CFAP46: variants seen among roughly 807,000 people sequenced by gnomAD.
The protein encoded by CFAP46 is cilia and flagella associated protein 46, also known as cilia- and flagella-associated protein 46.
Under a neutral mutation model 325.7 loss-of-function variants are expected in CFAP46, and 245 were observed. The ratio of observed to expected loss-of-function variants is 0.75; its 90% CI spans 0.68 to 0.84. CFAP46 has a LOEUF of 0.84. CFAP46 is among the 40% of genes least tolerant of loss of function. The pLI is 0.00. For synonymous variants in CFAP46, 1,523 were observed against 1,495.9 expected (o/e 1.02, Z -0.42); for missense variants, 3,346 against 3,543.0 (o/e 0.94, Z 1.41).
intron 39 of CFAP46, among the ~76,000 whole-genome samples, chr10:132,854,428 C>G (rs562414523): frequency 1.3e-4 from 20 of 152,214 alleles, no homozygotes; most frequent in South Asian, 2.1e-4. Flanking sequence ...GCTCTTCCCC[C>G]CCAGGTTCAC....
Position 132,899,685 on chromosome 10 carries a change from TGAG to T in CFAP46, c.2925-22_2925-20del. On this transcript the variant is annotated intron_variant, in intron 22 of 57. Coordinates refer to ENST00000368586, the MANE Select transcript of CFAP46 (RefSeq NM_001200049.3). Reference sequence around the variant, plus strand: ...CTCCTCGCTGCAGGAACAGGGCCAGTGAGGAGGGAGGCCACTGTGGCCCACCTT... The same window carrying T: ...CTCCTCGCTGCAGGAACAGGGCCAGTGAGGGAGGCCACTGTGGCCCACCTT... The T allele has an allele frequency of 6.5e-7, 1 of 1,541,928 alleles. No homozygotes were observed. The highest frequency in any genetic ancestry group is 8.8e-7 in the Non-Finnish European group (1 of 1,141,946).
At chr10:132,912,500 TCTCTCTCCTCTC>T (rs1849562609) in intron 19 of CFAP46, among the ~76,000 whole-genome samples, 143 bp downstream of exon 19, 4 of 73,380 alleles carry the variant, frequency 5.5e-5, no homozygotes, top group African/African-American at 1.0e-4. Context: ...CTCTTTCACC[TCTCTCTCCTCTC>T]CTCTCTCTCT....
intron 44 of CFAP46, among the ~76,000 whole-genome samples, chr10:132,841,030 C>T (rs1362280606): frequency 6.6e-6 from 1 of 152,168 alleles, no homozygotes; most frequent in Non-Finnish European, 1.5e-5. Flanking sequence ...GAATCTAAAA[C>T]CATTAATTAG....
rs376728330 is a variant in CFAP46, at chr10:132,832,483, C to T, written c.7117+875G>A. On this transcript the variant is annotated intron_variant, in intron 50 of 57. Coordinates refer to ENST00000368586, the MANE Select transcript of CFAP46 (RefSeq NM_001200049.3). This position sits in a 1 kb window ranked among gnomAD's most constrained non-coding sequence, Gnocchi z 4.1. ...CCAGCCAAACCCCCTTCGAGGCCCC[C>T]CGTCCTGCGCGGACTGCTCGTCAAT... The T allele has an allele frequency of 1.8e-5, 4 of 226,392 alleles. No homozygotes were observed. Among genetic ancestry groups the T allele is most frequent in the Admixed American group, 1.7e-4 (3 of 18,014 alleles). 14.0% of individuals were successfully genotyped at this position (226,392 alleles called of 1,614,324 possible).
Position 132,847,508 on chromosome 10 carries a change from C to T in CFAP46, c.5953-187G>A, listed in dbSNP as rs1848459857. On this transcript the variant is annotated intron_variant, in intron 41 of 57. Coordinates refer to ENST00000368586, the MANE Select transcript of CFAP46 (RefSeq NM_001200049.3). The surrounding 1 kb of genome is among the most constrained non-coding windows in gnomAD (Gnocchi z 5.2). ...CATCCCTGAGTTGATGCAGGGTGGC[C>T]CTGACCCGTGAGCCTGGGCAAGGGG... Among the ~76,000 whole-genome samples the T allele has an allele frequency of 6.6e-6, 1 of 152,066 alleles. No individual in the cohort carries two copies. Among genetic ancestry groups the T allele is most frequent in the Non-Finnish European group, 1.5e-5 (1 of 68,000 alleles).
chr10:132,879,838 C>G (rs1849012722), intron 28 of CFAP46, among the ~76,000 whole-genome samples: 1 of 152,166 alleles, frequency 6.6e-6, no homozygotes, highest in South Asian at 2.1e-4. Flanking sequence ...CCCCCTCACC[C>G]CCAGGGGCAG....
At chr10:132,938,013 T>C (rs948648809) in intron 5 of CFAP46, among the ~76,000 whole-genome samples, 18 of 152,338 alleles carry the variant, frequency 1.2e-4, no homozygotes, top group Admixed American at 3.3e-4. Flanking sequence ...ACAGCTGGAA[T>C]CCTCAATGGG....
intron 50 of CFAP46, among the ~76,000 whole-genome samples, chr10:132,831,058 A>G (rs920195906): frequency 6.6e-6 from 1 of 152,134 alleles, no homozygotes; most frequent in East Asian, 1.9e-4. Flanking sequence ...TAAGAAGCAT[A>G]TTTAGTTTCC....
At chr10:132,892,636 T>C (rs1199999780) in intron 24 of CFAP46, among the ~76,000 whole-genome samples, 2 of 152,258 alleles carry the variant, frequency 1.3e-5, no homozygotes, top group Non-Finnish European at 2.9e-5. Context: ...TAAGTTATTT[T>C]AATGTAAATT....
At chr10:132,820,349 G>A (rs1410366514) in intron 50 of CFAP46, among the ~76,000 whole-genome samples, 1 of 151,604 alleles carries the variant, frequency 6.6e-6, no homozygotes, top group East Asian at 1.9e-4. Flanking sequence ...GGGGCTGGGG[G>A]AGGGAGTGAG....
chr10:132,859,021 G>A (rs1319027048), intron 38 of CFAP46, 50 bp downstream of exon 38: 1 of 1,519,348 alleles, frequency 6.6e-7, no homozygotes, highest in Non-Finnish European at 8.9e-7. Flanking sequence ...GGCGTGTTGT[G>A]TGTAAGAGAA....
chr10:132,889,977 C>T lies in CFAP46; in HGVS notation c.3304+2356G>A, dbSNP rs1849232134. The stretch of plus-strand genomic sequence containing the variant: ...ATCAGGATTCAGGAGCGTACATTTT[C>T]GTATCTGTGAAAAGTGCTCCTTTCC... On this transcript the variant is annotated intron_variant, in intron 25 of 57. Coordinates refer to ENST00000368586, the MANE Select transcript of CFAP46 (RefSeq NM_001200049.3). The surrounding 1 kb of genome is among the most constrained non-coding windows in gnomAD (Gnocchi z 6.0). Among the ~76,000 whole-genome samples the T allele has an allele frequency of 6.6e-6, 1 of 152,208 alleles. No individual in the cohort carries two copies. Among genetic ancestry groups the T allele is most frequent in the Admixed American group, 6.5e-5 (1 of 15,286 alleles).
chr10:132,900,433 C>T (rs2135484026), intron 22 of CFAP46, among the ~76,000 whole-genome samples: 1 of 152,392 alleles, frequency 6.6e-6, no homozygotes, highest in East Asian at 1.9e-4. Flanking sequence ...GGAGCACGCC[C>T]TTGCGGCTCA....
chr10:132,913,322 A>G, intron 17 of CFAP46, 64 bp from the exon 18 acceptor site: 2 of 1,268,876 alleles, frequency 1.6e-6, no homozygotes, highest in Non-Finnish European at 2.1e-6. Flanking sequence ...AGGCACCAGG[A>G]AGGCTGCGGG....
intron 7 of CFAP46, among the ~76,000 whole-genome samples, chr10:132,935,990 T>A (rs192691289): frequency 1.9e-5 from 1 of 52,600 alleles, no homozygotes. Flanking sequence ...AAACACACTG[T>A]GATCTCCTCA....
chr10:132,924,238 G>A (rs4880222), intron 11 of CFAP46, among the ~76,000 whole-genome samples: 56,152 of 150,388 alleles, frequency 0.37, 10,643 homozygotes, highest in Admixed American at 0.49. Flanking sequence ...GATGCCTGCC[G>A]CCTGCCTGCC....
chr10:132,916,239 C>T (rs1849635496), intron 17 of CFAP46, among the ~76,000 whole-genome samples: 1 of 152,214 alleles, frequency 6.6e-6, no homozygotes, highest in African/African-American at 2.4e-5. Context: ...CATCAGAGGG[C>T]CTGACGAGGG....
intron 33 of CFAP46, among the ~76,000 whole-genome samples, chr10:132,868,641 C>T (rs1848852173): frequency 6.6e-6 from 1 of 152,184 alleles, no homozygotes; most frequent in Admixed American, 6.5e-5. Flanking sequence ...AAAATATGAA[C>T]AGGGTTATGC....
chr10:132,903,468 C>A (rs1379768416), intron 22 of CFAP46, among the ~76,000 whole-genome samples: 1 of 152,226 alleles, frequency 6.6e-6, no homozygotes, highest in African/African-American at 2.4e-5. Flanking sequence ...CAAGCCCTGA[C>A]CCGTTTCTCC....
Sources: gnomAD v4.1 joint callset for allele counts (sites outside exome capture counted in the v4.1 genomes callset) on GRCh38, gnomAD v4.1.1 for gene constraint, Gnocchi (gnomAD v3.1) non-coding constraint, MANE v1.5 for transcripts, NCBI Gene and HGNC (gene_info 2026-07-23, HGNC 2026-07-21) for gene names.